CEP128: variants seen among roughly 807,000 people sequenced by gnomAD.
CEP128 encodes the protein centrosomal protein 128, also known as centrosomal protein 128kDa.
A neutral mutation model predicts 156.7 loss-of-function variants in CEP128; 132 were observed. The observed-to-expected ratio is 0.84, with a 90% CI of 0.73 to 0.97. The LOEUF (loss-of-function observed/expected upper bound fraction) is 0.97. Among genes scored for constraint, CEP128 ranks in the 50% least tolerant of loss-of-function variants. The probability of loss-of-function intolerance (pLI) is 0.00; values close to 1 mark genes in which losing one functional copy is unlikely to be tolerated. For missense variants in CEP128, 1,252 were observed against 1,281.9 expected, an observed-to-expected ratio of 0.98 and a Z score of 0.36; for synonymous variants, 469 against 448.9, an observed-to-expected ratio of 1.04 and a Z score of -0.57.
chr14:80,775,057 A>G (rs908761867), intron 16 of CEP128, among the ~76,000 whole-genome samples: 3 of 152,184 alleles, frequency 2.0e-5, no homozygotes, highest in Non-Finnish European at 2.9e-5. Flanking sequence ...TAGTCAGCAT[A>G]TATTTGGAAA....
At chr14:80,488,341 C>T (rs1594901613), downstream of CEP128, among the ~76,000 whole-genome samples, 1 of 147,834 alleles carries the variant, frequency 6.8e-6, no homozygotes, top group East Asian at 2.0e-4. Context: ...ACAGACACTT[C>T]TCAAAAGAAG....
chr14:80,489,653 C>T (rs1379924518), downstream of CEP128, among the ~76,000 whole-genome samples: 1 of 150,146 alleles, frequency 6.7e-6, no homozygotes, highest in Admixed American at 6.6e-5. Context: ...GAATACCACC[C>T]ACATGTGGCC....
intron 21 of CEP128, among the ~76,000 whole-genome samples, chr14:80,555,167 A>G (rs1197374839): frequency 6.6e-6 from 1 of 152,112 alleles, no homozygotes; most frequent in Non-Finnish European, 1.5e-5. Context: ...ATTATCTCCT[A>G]TGAACCGACA....
At chr14:80,554,696 C>A (rs555904140) in intron 21 of CEP128, among the ~76,000 whole-genome samples, 29 of 151,946 alleles carry the variant, frequency 1.9e-4, no homozygotes, top group Non-Finnish European at 4.0e-4. Context: ...GTAGCTATAT[C>A]CTTTTTTTCA....
At chr14:80,937,657 T>C (rs1885885573) in intron 2 of CEP128, among the ~76,000 whole-genome samples, 1 of 152,138 alleles carries the variant, frequency 6.6e-6, no homozygotes, top group South Asian at 2.1e-4. Flanking sequence ...AGTGCTGACC[T>C]GTAACAATAC....
chr14:80,797,738 T>C lies in CEP128; in HGVS notation c.1210-4628A>G, dbSNP rs1026182327. On this transcript the variant is annotated intron_variant, in intron 13 of 24. Coordinates refer to ENST00000555265, the MANE Select transcript of CEP128 (RefSeq NM_152446.5). ...ACTCTCACTCACATACATATGAACA[T>C]ATACATAGAGCACATAAGTGTACAA... Among the ~76,000 whole-genome samples, 52 of 152,162 alleles carry C rather than the reference T, an allele frequency of 3.4e-4. 1 individual carries two copies. The highest frequency in any genetic ancestry group is 1.2e-3 in the African/African-American group (51 of 41,442).
intron 2 of CEP128, among the ~76,000 whole-genome samples, chr14:80,923,690 G>C (rs1372909111): frequency 6.6e-6 from 1 of 152,094 alleles, no homozygotes; most frequent in Non-Finnish European, 1.5e-5. Context: ...TACTTAGGGG[G>C]GTAAGGGAAA....
At chr14:80,682,611 A>T (rs1896367175) in intron 19 of CEP128, among the ~76,000 whole-genome samples, 1 of 152,216 alleles carries the variant, frequency 6.6e-6, no homozygotes, top group African/African-American at 2.4e-5. Flanking sequence ...AAGATACTAT[A>T]CAAAATGAAT....
At chr14:80,527,365 G>T in intron 22 of CEP128, 1 of 291,554 alleles carries the variant, frequency 3.4e-6, no homozygotes, top group Non-Finnish European at 7.2e-6. Context: ...GAGCCCAGGA[G>T]GCAGAGGTTG....
At chr14:80,811,241 T>C (rs559765562) in intron 13 of CEP128, among the ~76,000 whole-genome samples, 1 of 152,200 alleles carries the variant, frequency 6.6e-6, no homozygotes, top group Non-Finnish European at 1.5e-5. Context: ...GCAATGAACA[T>C]ACATGTGCAT....
At chr14:80,690,212 G>C (rs1199698823) in intron 19 of CEP128, among the ~76,000 whole-genome samples, 2 of 145,046 alleles carry the variant, frequency 1.4e-5, no homozygotes, top group Non-Finnish European at 3.0e-5. Flanking sequence ...TTCGAGACCA[G>C]CCTGACCAAC....
At chr14:80,859,580 AAG>A (rs1566676168) in intron 9 of CEP128, among the ~76,000 whole-genome samples, 1 of 152,104 alleles carries the variant, frequency 6.6e-6, no homozygotes, top group Non-Finnish European at 1.5e-5. Context: ...AAAAAAAAGA[AAG>A]AAAATCTGGC....
chr14:80,854,369 A>C (rs546814355), intron 9 of CEP128, among the ~76,000 whole-genome samples: 134 of 152,318 alleles, frequency 8.8e-4, no homozygotes, highest in African/African-American at 3.0e-3. Flanking sequence ...AAAAGGAAAA[A>C]ACAAGAAGCA....
intron 13 of CEP128, among the ~76,000 whole-genome samples, chr14:80,814,915 A>G (rs1884761321): frequency 1.3e-5 from 2 of 152,164 alleles, no homozygotes; most frequent in African/African-American, 4.8e-5. Flanking sequence ...AAAATTAGCC[A>G]GAAGTGGTGG....
chr14:80,589,984 T>C (rs992659879), intron 19 of CEP128, among the ~76,000 whole-genome samples: 1 of 152,188 alleles, frequency 6.6e-6, no homozygotes, highest in Non-Finnish European at 1.5e-5. Flanking sequence ...ACAAGCGTTT[T>C]ACAATTCTCC....
chr14:80,620,970 C>A (rs370887859), intron 19 of CEP128, among the ~76,000 whole-genome samples: 11 of 152,158 alleles, frequency 7.2e-5, no homozygotes, highest in East Asian at 5.8e-4. Context: ...AAAGTATAAA[C>A]ACACACAGCA....
intron 19 of CEP128, among the ~76,000 whole-genome samples, chr14:80,686,377 T>C (rs1211749686): frequency 1.3e-5 from 2 of 152,058 alleles, no homozygotes. Flanking sequence ...AAGCAAATGC[T>C]GGGGGAATTT....
intron 7 of CEP128, 127 bp from the exon 8 acceptor site, chr14:80,895,917 A>AT: frequency 3.0e-6 from 2 of 674,326 alleles, no homozygotes; most frequent in Non-Finnish European, 4.6e-6. Flanking sequence ...CAAATGTTAT[A>AT]AACATCTGAA....
intron 19 of CEP128, among the ~76,000 whole-genome samples, chr14:80,641,024 G>T (rs997378503): frequency 9.2e-5 from 14 of 152,136 alleles, no homozygotes; most frequent in African/African-American, 2.4e-5. Flanking sequence ...CCATTATTAT[G>T]AGAATTAAAT....
Sources: allele counts gnomAD v4.1 joint callset (sites outside exome capture counted in the v4.1 genomes callset), GRCh38; gene constraint gnomAD v4.1.1; transcripts MANE v1.5; gene names NCBI Gene and HGNC (gene_info 2026-07-23, HGNC 2026-07-21).